Variants in SPPL3 observed in about 807,000 individuals in gnomAD.
SPPL3 encodes signal peptide peptidase like 3, also known as signal peptide peptidase-like 3.
Under a neutral mutation model 42.4 loss-of-function variants are expected in SPPL3, and 5 were observed. The ratio of observed to expected loss-of-function variants is 0.12; its 90% confidence interval spans 0.06 to 0.25. The LOEUF (loss-of-function observed/expected upper bound fraction) is 0.25, where lower values mean the gene tolerates loss of function less well. Ranked by LOEUF, SPPL3 falls within the 10% of genes least tolerant of loss-of-function variation. The pLI, the probability that SPPL3 is intolerant of heterozygous loss-of-function variation, is 1.00. For missense variants in SPPL3, 235 were observed against 489.0 expected, an observed-to-expected ratio of 0.48 and a Z score of 4.90; for synonymous variants, 195 against 181.8, an observed-to-expected ratio of 1.07 and a Z score of -0.58.
chr12:120,788,998 G>A (rs908941750), intron 3 of SPPL3, among the ~76,000 whole-genome samples: 6 of 151,992 alleles, frequency 3.9e-5, no homozygotes, highest in African/African-American at 1.2e-4. Flanking sequence ...AGTACTGGTC[G>A]GCCGTCTTTG....
Position 120,903,980 on chromosome 12 carries a change from G to T in SPPL3, c.-113C>A. 2.4e-6 allele frequency: 2 copies of T among 838,586 alleles called. No individual in the cohort carries two copies. The highest frequency in any genetic ancestry group is 3.2e-6 in the Non-Finnish European group (2 of 632,756). The allele number at this position is 838,586 out of a possible 1,614,324, so 51.9% of individuals were successfully genotyped here. On this transcript the variant is annotated 5_prime_UTR_variant, in exon 1 of 11. Coordinates refer to ENST00000353487, the MANE Select transcript of SPPL3 (RefSeq NM_139015.5). ...GGGTCCGGTGCTTGCTTGCTTGCTC[G>T]CTCGCTGGCTCGCTGGCTGCACGGC... is the stretch of plus-strand genomic sequence containing the variant.
At chr12:120,782,212 A>G (rs1015047840) in intron 6 of SPPL3, among the ~76,000 whole-genome samples, 1 of 152,248 alleles carries the variant, frequency 6.6e-6, no homozygotes, top group African/African-American at 2.4e-5. Flanking sequence ...AAACTTGTAC[A>G]TTAATATTCA....
At chr12:120,872,304 A>G (rs1593005318) in intron 1 of SPPL3, among the ~76,000 whole-genome samples, 2 of 152,206 alleles carry the variant, frequency 1.3e-5, no homozygotes, top group African/African-American at 2.4e-5. Context: ...CTCCCACTAT[A>G]AACAGCTAGA....
intron 1 of SPPL3, 93 bp downstream of exon 1, chr12:120,903,752 A>T: frequency 5.6e-6 from 2 of 359,438 alleles, no homozygotes; most frequent in South Asian, 2.4e-5. Flanking sequence ...CACGACACGC[A>T]CCTGTTCTTC....
chr12:120,826,744 C>T (rs1205228356), intron 1 of SPPL3, among the ~76,000 whole-genome samples: 1 of 151,978 alleles, frequency 6.6e-6, no homozygotes, highest in Non-Finnish European at 1.5e-5. Context: ...TAAAAAGATT[C>T]ACATTAAATA....
At chr12:120,845,277 G>A (rs1385108880) in intron 1 of SPPL3, 1 of 368,578 alleles carries the variant, frequency 2.7e-6, no homozygotes, top group Non-Finnish European at 5.5e-6. Context: ...GGTCCTGCTT[G>A]TTGGCAAACC....
chr12:120,804,783 G>C (rs1226803987), intron 2 of SPPL3, among the ~76,000 whole-genome samples: 1 of 152,160 alleles, frequency 6.6e-6, no homozygotes, highest in African/African-American at 2.4e-5. Context: ...TGTCTGCACA[G>C]AAACTTGTAC....
At chr12:120,903,547 A>C (rs1874051092) in intron 1 of SPPL3, 2 of 399,516 alleles carry the variant, frequency 5.0e-6, no homozygotes, top group Non-Finnish European at 9.1e-6. Flanking sequence ...CATCCGTGGG[A>C]TTCCCACCCC....
chr12:120,823,195 G>A (rs1245626729), intron 1 of SPPL3, among the ~76,000 whole-genome samples: 2 of 114,538 alleles, frequency 1.7e-5, no homozygotes, highest in African/African-American at 3.0e-5. Flanking sequence ...TGTGAGAGAC[G>A]GAGAGTGTGT....
rs1868746446 is a variant in SPPL3, at chr12:120,763,461, G to C, written c.*1538C>G. On this transcript the variant is annotated 3_prime_UTR_variant, in exon 11 of 11. Transcript: ENST00000353487. ...ACTGGGGCGGGGACCCTTGGGGAGA[G>C]GCTGGAACTCAGGGCCCTTCTCCAG... 6.5e-6 allele frequency: 1 copy of C among 152,806 alleles called. No homozygotes were observed. The highest frequency in any genetic ancestry group is 2.4e-5 in the African/African-American group (1 of 41,440). The allele number at this position is 152,806 out of a possible 1,614,324, so 9.5% of individuals were successfully genotyped here. A position where few individuals can be genotyped will look rare whatever the true frequency, so the allele number is the denominator to read the frequency against.
chr12:120,888,130 C>G (rs1263425986), intron 1 of SPPL3, among the ~76,000 whole-genome samples: 1 of 152,182 alleles, frequency 6.6e-6, no homozygotes, highest in East Asian at 1.9e-4. Context: ...GGCTGGAGTG[C>G]AGTGGCACCA....
At position 120,769,295 on chromosome 12, in the gene SPPL3, T is replaced by C. The variant is rs1869026808; in HGVS notation, c.503-236A>G. On this transcript the variant is annotated intron_variant, in intron 6 of 10. Coordinates refer to ENST00000353487, the MANE Select transcript of SPPL3 (RefSeq NM_139015.5). ...TCCTCCTAGACATAGTGCTCGGCTG[T>C]TGGAGACCCAGGAAACCAGTCCAAG... The C allele has an allele frequency of 1.8e-5, 7 of 392,152 alleles. 1 individual carries two copies. The highest frequency in any genetic ancestry group is 1.5e-4 in the South Asian group (5 of 33,586). 24.3% of individuals were successfully genotyped at this position (392,152 alleles called of 1,614,324 possible).
intron 10 of SPPL3, 31 bp from the exon 11 acceptor site, chr12:120,765,101 A>G (rs763625669): frequency 2.5e-6 from 4 of 1,610,330 alleles, no homozygotes; most frequent in South Asian, 2.2e-5. Flanking sequence ...TAAGTTACAG[A>G]TTTAAACATG....
Position 120,763,939 on chromosome 12 carries a change from G to A in SPPL3, c.*1060C>T, listed in dbSNP as rs768048017. On this transcript the variant is annotated 3_prime_UTR_variant, in exon 11 of 11. Transcript: ENST00000353487. ...TTTACAAGTAGTACGTTACTATGAT[G>A]AGAAAGCACAAAGACACCTGCTGCT... The A allele has an allele frequency of 2.0e-5, 3 of 152,282 alleles. No individual in the cohort carries two copies. Among genetic ancestry groups the A allele is most frequent in the Non-Finnish European group, 2.9e-5 (2 of 68,024 alleles). 9.4% of individuals were successfully genotyped at this position (152,282 alleles called of 1,614,324 possible).
At chr12:120,862,311 ATAAT>A (rs1398348215) in intron 1 of SPPL3, among the ~76,000 whole-genome samples, 1 of 152,222 alleles carries the variant, frequency 6.6e-6, no homozygotes, top group African/African-American at 2.4e-5. Context: ...TTTTCCAATA[ATAAT>A]TAGATGTTCA....
intron 1 of SPPL3, among the ~76,000 whole-genome samples, chr12:120,823,536 C>T (rs1161894984): frequency 1.3e-5 from 2 of 152,226 alleles, no homozygotes; most frequent in Non-Finnish European, 2.9e-5. Flanking sequence ...CGACATCCTA[C>T]TGGATTTCTT....
At chr12:120,787,370 AT>A (rs1264714828) in intron 3 of SPPL3, among the ~76,000 whole-genome samples, 2 of 152,220 alleles carry the variant, frequency 1.3e-5, no homozygotes, top group Non-Finnish European at 2.9e-5. Context: ...GCTTTTTAAA[AT>A]TCCACTTAAT....
intron 3 of SPPL3, among the ~76,000 whole-genome samples, chr12:120,787,873 T>C (rs1372740758): frequency 6.6e-6 from 1 of 152,234 alleles, no homozygotes; most frequent in East Asian, 1.9e-4. Flanking sequence ...AGCAGTTCAC[T>C]TGTTTTCACT....
At chr12:120,800,854 T>C (rs1173728878) in intron 2 of SPPL3, among the ~76,000 whole-genome samples, 1 of 152,204 alleles carries the variant, frequency 6.6e-6, no homozygotes, top group Non-Finnish European at 1.5e-5. Context: ...ATAGTTAAGC[T>C]TGATTGAGCT....
Sources: gnomAD v4.1 joint callset for allele counts (sites outside exome capture counted in the v4.1 genomes callset) on GRCh38, gnomAD v4.1.1 for gene constraint, MANE v1.5 for transcripts, NCBI Gene and HGNC (gene_info 2026-07-23, HGNC 2026-07-21) for gene names.